Variants in ATP1B4 observed in about 807,000 individuals in gnomAD.
ATP1B4 encodes the protein ATPase Na+/K+ transporting family member beta 4, also known as protein ATP1B4.
A neutral mutation model predicts 29.6 loss-of-function variants in ATP1B4; 32 were observed. The ratio of observed to expected loss-of-function variants is 1.08; its 90% CI spans 0.82 to 1.45. The LOEUF is 1.45. ATP1B4 is among the 40% of genes most tolerant of loss of function. The probability of loss-of-function intolerance (pLI) is 0.00; values close to 1 mark genes in which losing one functional copy is unlikely to be tolerated. For missense variants in ATP1B4, 323 were observed against 276.2 expected (o/e 1.17, Z -1.20); for synonymous variants, 127 against 102.1 (o/e 1.24, Z -1.47).
At chrX:120,373,322 T>G (rs937355653) in intron 4 of ATP1B4, among the ~76,000 whole-genome samples, 1 of 112,647 alleles carries the variant, frequency 8.9e-6, no homozygotes, top group Non-Finnish European at 1.9e-5. Flanking sequence ...TTGAATTAAA[T>G]GTAGCTTTGT....
intron 6 of ATP1B4, among the ~76,000 whole-genome samples, chrX:120,376,824 G>T (rs1003598127): frequency 8.9e-6 from 1 of 112,555 alleles, no homozygotes; most frequent in Non-Finnish European, 1.9e-5. Context: ...GCTTTCATTA[G>T]AGTCATTAGT....
intron 4 of ATP1B4, among the ~76,000 whole-genome samples, chrX:120,375,036 C>A (rs1436799125): frequency 9.4e-6 from 1 of 106,574 alleles, no homozygotes; most frequent in Non-Finnish European, 1.9e-5. Flanking sequence ...TACAGTTTAT[C>A]ATGTCTGAAA....
chrX:120,366,645 G>C lies in ATP1B4; in HGVS notation c.184G>C (p.Glu62Gln). 1.7e-6 allele frequency: 2 copies of C among 1,207,626 alleles called. No homozygotes were observed. Among genetic ancestry groups the C allele is most frequent in the Non-Finnish European group, 2.2e-6 (2 of 892,422 alleles). Reference protein sequence around the residue: ...EEEEEEEEKEEEEEEEKEEEE... With the variant: ...EEEEEEEEKEQEEEEEKEEEE... The stretch of plus-strand genomic sequence containing the variant: ...GGAGGAAGAAGAGGAGGAGAAAGAA[G>C]AGGAGGAAGAGGAGGAAAAGGAGGA... Residue 62 changes from glutamate to glutamine, a missense_variant, in exon 2 of 8, where the codon GAG becomes CAG. By Grantham distance (29) the Glu-to-Gln change is conservative (BLOSUM62 2). Coordinates refer to ENST00000218008, the MANE Select transcript of ATP1B4 (RefSeq NM_001142447.3).
At chrX:120,375,610 C>T (rs761578501) in intron 5 of ATP1B4, 42 bp downstream of exon 5, 3 of 1,121,061 alleles carry the variant, frequency 2.7e-6, no homozygotes, top group Non-Finnish European at 3.6e-6. Context: ...AGCGAATGAA[C>T]TAGATAGGAG....
chrX:120,366,952 T>C (rs765813773), intron 2 of ATP1B4, among the ~76,000 whole-genome samples, 163 bp downstream of exon 2: 1 of 112,624 alleles, frequency 8.9e-6, no homozygotes, highest in East Asian at 2.8e-4. Flanking sequence ...GTGGACAGAT[T>C]CCATCAGAAC....
chrX:120,376,608 A>G (rs1267039840), intron 6 of ATP1B4, among the ~76,000 whole-genome samples, 172 bp downstream of exon 6: 7 of 111,545 alleles, frequency 6.3e-5, no homozygotes, highest in African/African-American at 2.0e-4. Flanking sequence ...AAAGCATTCA[A>G]TTCATGTGTG....
At chrX:120,363,369 T>C (rs2058271851) in intron 1 of ATP1B4, among the ~76,000 whole-genome samples, 1 of 112,773 alleles carries the variant, frequency 8.9e-6, no homozygotes, top group African/African-American at 3.2e-5. Context: ...ATAAAACTAT[T>C]TCTTACTTGC....
At chrX:120,376,517 C>T (rs1239768455) in intron 6 of ATP1B4, 81 bp downstream of exon 6, 8 of 857,812 alleles carry the variant, frequency 9.3e-6, no homozygotes, top group African/African-American at 2.0e-5. Flanking sequence ...AGGACTTACA[C>T]ATGGATGGTA....
At chrX:120,367,802 A>G (rs891308083) in intron 2 of ATP1B4, among the ~76,000 whole-genome samples, 15 of 111,829 alleles carry the variant, frequency 1.3e-4, no homozygotes, top group African/African-American at 4.5e-4. Flanking sequence ...AAGGTGACAC[A>G]CTAAGCTCTG....
intron 1 of ATP1B4, among the ~76,000 whole-genome samples, chrX:120,363,056 A>G (rs1338023959): frequency 8.9e-6 from 1 of 112,589 alleles, no homozygotes; most frequent in African/African-American, 3.2e-5. Flanking sequence ...GCTATAAGTC[A>G]TTAATGTATG....
chrX:120,376,118 T>C (rs1317041224), intron 5 of ATP1B4, among the ~76,000 whole-genome samples: 1 of 111,183 alleles, frequency 9.0e-6, no homozygotes, highest in Non-Finnish European at 1.9e-5. Flanking sequence ...AATTAGAAAG[T>C]TCTTTACATC....
At position 120,377,467 on chromosome X, in the gene ATP1B4, A is replaced by G. The variant is rs761616125; in HGVS notation, c.816+1031A>G. Among the ~76,000 whole-genome samples the G allele has an allele frequency of 3.6e-5, 4 of 112,197 alleles. No homozygotes were observed. In the East Asian group the frequency reaches 1.1e-3, roughly 31 times the overall value. On this transcript the variant is annotated intron_variant, in intron 6 of 7. Transcript: ENST00000218008. ...ATTCACAACATGAGGTGACACTACAAACTATCCGAACTGATTCCTCAGGCC... is the reference window on the plus strand; with the variant it reads ...ATTCACAACATGAGGTGACACTACAGACTATCCGAACTGATTCCTCAGGCC...
At chrX:120,373,519 T>C (rs1020930449) in intron 4 of ATP1B4, among the ~76,000 whole-genome samples, 2 of 112,113 alleles carry the variant, frequency 1.8e-5, no homozygotes, top group Admixed American at 1.9e-4. Context: ...ACTGAGCTAC[T>C]TTGAACATTA....
intron 1 of ATP1B4, among the ~76,000 whole-genome samples, chrX:120,362,581 A>G (rs1367061037): frequency 8.9e-6 from 1 of 112,177 alleles, no homozygotes; most frequent in Non-Finnish European, 1.9e-5. Context: ...AATTTAGCCA[A>G]GAGGGAAGGA....
At position 120,379,631 on chromosome X, in the gene ATP1B4, T is replaced by G; in HGVS notation, c.1071T>G (p.Thr357=). ...GRVIFTLNIE[T] is the part of the protein sequence containing the mutation. ...TAATCTTTACCCTGAACATAGAAAC[T>G]TAAGAACTTCAGGGGGCCATTCTTA... is the stretch of plus-strand genomic sequence containing the variant. Residue 357 remains threonine, a synonymous_variant, in exon 8 of 8, where the codon ACT becomes ACG. Coordinates refer to ENST00000218008, the MANE Select transcript of ATP1B4 (RefSeq NM_001142447.3). 8.3e-7 allele frequency: 1 copy of G among 1,204,259 alleles called. No individual in the cohort carries two copies. The highest frequency in any genetic ancestry group is 1.1e-6 in the Non-Finnish European group (1 of 892,536).
Position 120,376,413 on chromosome X carries a change from G to A in ATP1B4, c.793G>A (p.Val265Met), listed in dbSNP as rs747953543. Residue 265 changes from valine to methionine, a missense_variant, in exon 6 of 8, where the codon GTG (valine) becomes ATG (methionine). Transcript: ENST00000218008. ...CTTTCGTCCTGAGCTTGGAGATCCTGTGAAGGTTTCCTGCAAAGTTCAGGT... is the reference window on the plus strand; with the variant it reads ...CTTTCGTCCTGAGCTTGGAGATCCTATGAAGGTTTCCTGCAAAGTTCAGGT... ...VGFRPELGDP[V>M]KVSCKVQRGD... 3.3e-6 allele frequency: 4 copies of A among 1,208,848 alleles called. No individual in the cohort carries two copies. The East Asian group carries it at 8.9e-5, about 27-fold the overall frequency.
At position 120,379,769 on chromosome X, in the gene ATP1B4, C is replaced by T; in HGVS notation, c.*135C>T. The T allele has an allele frequency of 1.6e-6, 1 of 637,786 alleles. No homozygotes were observed. The highest frequency in any genetic ancestry group is 4.2e-5 in the Admixed American group (1 of 24,078). The allele number at this position is 637,786 out of a possible 1,213,427, so 52.6% of individuals were successfully genotyped here. A position where few individuals can be genotyped will look rare whatever the true frequency, so the allele number is the denominator to read the frequency against. ...AAGACAGCCGATCATCTTTCCTTGCCTATGACATGTGTATAAAATGACATT... is the reference window on the plus strand; with the variant it reads ...AAGACAGCCGATCATCTTTCCTTGCTTATGACATGTGTATAAAATGACATT... On this transcript the variant is annotated 3_prime_UTR_variant, in exon 8 of 8. Coordinates refer to ENST00000218008, the MANE Select transcript of ATP1B4 (RefSeq NM_001142447.3).
At chrX:120,372,528 A>T (rs2058318805) in intron 4 of ATP1B4, among the ~76,000 whole-genome samples, 1 of 112,055 alleles carries the variant, frequency 8.9e-6, no homozygotes, top group Non-Finnish European at 1.9e-5. Context: ...CCAGTGTTTG[A>T]ATCCACATTT....
intron 2 of ATP1B4, among the ~76,000 whole-genome samples, chrX:120,370,274 G>A (rs1344901688): frequency 8.9e-6 from 1 of 112,229 alleles, no homozygotes; most frequent in Non-Finnish European, 1.9e-5. Context: ...TATAGACTAT[G>A]TGGAAAGAAA....
Sources: allele counts gnomAD v4.1 joint callset (sites outside exome capture counted in the v4.1 genomes callset), GRCh38; gene constraint gnomAD v4.1.1; transcripts MANE v1.5; gene names NCBI Gene and HGNC (gene_info 2026-07-23, HGNC 2026-07-21).